Variants in DSE observed in about 807,000 individuals in gnomAD.
DSE encodes dermatan sulfate epimerase.
DSE carries 36 observed loss-of-function variants against 84.4 expected under a neutral mutation model. The ratio of observed to expected loss-of-function variants is 0.43; its 90% CI spans 0.33 to 0.56. The LOEUF (loss-of-function observed/expected upper bound fraction) is 0.56, where lower values mean the gene tolerates loss of function less well. Among genes scored for constraint, DSE ranks in the 20% least tolerant of loss-of-function variants. DSE has a pLI of 0.06. For missense variants in DSE, 862 were observed against 1,169.6 expected (o/e 0.74, Z 3.84); for synonymous variants, 410 against 430.1 (o/e 0.95, Z 0.58).
intron 2 of DSE, among the ~76,000 whole-genome samples, chr6:116,282,074 G>A (rs1250622617): frequency 6.6e-6 from 1 of 152,146 alleles, no homozygotes; most frequent in Non-Finnish European, 1.5e-5. Context: ...TCAAAGCCTC[G>A]GACTACCAGC....
At chr6:116,298,221 C>G (rs1018030375) in intron 2 of DSE, among the ~76,000 whole-genome samples, 5 of 152,120 alleles carry the variant, frequency 3.3e-5, no homozygotes, top group Admixed American at 6.6e-5. Context: ...AATGCCCTCC[C>G]CCCAGGAAAG....
chr6:116,380,454 A>G (rs1479563192), intron 1 of DSE, among the ~76,000 whole-genome samples: 2 of 152,036 alleles, frequency 1.3e-5, no homozygotes, highest in Non-Finnish European at 2.9e-5. Context: ...AGGGGGAATG[A>G]ATTGGGTCTC....
At chr6:116,359,106 A>G (rs748014576) in intron 2 of DSE, among the ~76,000 whole-genome samples, 1 of 152,020 alleles carries the variant, frequency 6.6e-6, no homozygotes, top group Non-Finnish European at 1.5e-5. Flanking sequence ...AGAAACATTG[A>G]CTTCTGAAAC....
intron 2 of DSE, among the ~76,000 whole-genome samples, chr6:116,291,838 A>G (rs1774298578): frequency 6.6e-6 from 1 of 152,230 alleles, no homozygotes; most frequent in African/African-American, 2.4e-5. Flanking sequence ...TGTAGAACCA[A>G]TTGAAAAACT....
intron 2 of DSE, among the ~76,000 whole-genome samples, chr6:116,327,657 A>G (rs762651707): frequency 1.3e-5 from 2 of 152,206 alleles, no homozygotes; most frequent in Non-Finnish European, 2.9e-5. Context: ...CTTGAATCCA[A>G]ACTGCTCTTG....
Position 116,439,910 on chromosome 6 carries a change from C to G in DSE, c.*2565C>G, listed in dbSNP as rs1336616626. 1 of 151,446 alleles carries G rather than the reference C, an allele frequency of 6.6e-6. No homozygotes were observed. The highest frequency in any genetic ancestry group is 1.5e-5 in the Non-Finnish European group (1 of 68,028). The allele number at this position is 151,446 out of a possible 1,614,324, so 9.4% of individuals were successfully genotyped here. ...TGAGCTATGACTGTGCCACTGCACTCCAGCCTTGGAGACAGAGTGAGACCG... is the reference window on the plus strand; with the variant it reads ...TGAGCTATGACTGTGCCACTGCACTGCAGCCTTGGAGACAGAGTGAGACCG... On this transcript the variant is annotated 3_prime_UTR_variant, in exon 6 of 6. Transcript: ENST00000644252.
At chr6:116,404,620 T>C (rs1781797221) in intron 2 of DSE, among the ~76,000 whole-genome samples, 1 of 152,272 alleles carries the variant, frequency 6.6e-6, no homozygotes, top group African/African-American at 2.4e-5. Context: ...ATCCCAAGGA[T>C]TGAATGAAGT....
chr6:116,378,286 A>G (rs73551529), intron 1 of DSE, among the ~76,000 whole-genome samples: 2,854 of 152,284 alleles, frequency 0.019, 34 homozygotes, highest in African/African-American at 0.035. Context: ...AAAGGTTTAA[A>G]TGGGGTTGCC....
Position 116,399,681 on chromosome 6 carries a change from T to G in DSE, c.416+15T>G. On this transcript the variant is annotated intron_variant, in intron 2 of 5. Coordinates refer to ENST00000644252, the MANE Select transcript of DSE (RefSeq NM_013352.4). The stretch of plus-strand genomic sequence containing the variant: ...CAGCCTAGTTGGTAGATTTTTGTCT[T>G]GTTCTTCTTACTGTGGTAACTCTGC... The G allele has an allele frequency of 6.2e-7, 1 of 1,606,398 alleles. No homozygotes were observed. The highest frequency in any genetic ancestry group is 8.5e-7 in the Non-Finnish European group (1 of 1,175,218).
intron 2 of DSE, among the ~76,000 whole-genome samples, chr6:116,355,495 G>C (rs1778523150): frequency 1.3e-5 from 2 of 152,138 alleles, no homozygotes; most frequent in Admixed American, 6.5e-5. Context: ...GGCTCATTTA[G>C]CCTAATTTCT....
rs1355088066 is a variant in DSE, at chr6:116,440,853, T to A, written c.*3508T>A. 2.6e-5 allele frequency: 4 copies of A among 152,124 alleles called. No individual in the cohort carries two copies. In the East Asian group the frequency reaches 7.7e-4, roughly 29 times the overall value. 9.4% of individuals were successfully genotyped at this position (152,124 alleles called of 1,614,324 possible). A position where few individuals can be genotyped will look rare whatever the true frequency, so the allele number is the denominator to read the frequency against. On this transcript the variant is annotated 3_prime_UTR_variant, in exon 6 of 6. Transcript: ENST00000644252. The stretch of plus-strand genomic sequence containing the variant: ...GCTTTTTAAGCAAGTTTAGGGAACT[T>A]GAGATGACCTGATTGAGACCCCTAA...
chr6:116,299,743 A>G (rs1774923836), intron 2 of DSE, among the ~76,000 whole-genome samples: 1 of 151,810 alleles, frequency 6.6e-6, no homozygotes, highest in Admixed American at 6.6e-5. Flanking sequence ...TTATTTTGTC[A>G]CCTAAGAGGC....
intron 1 of DSE, among the ~76,000 whole-genome samples, chr6:116,371,422 A>T (rs1390367526): frequency 6.6e-6 from 1 of 152,170 alleles, no homozygotes. Flanking sequence ...GAACACGATG[A>T]GAACCTGGAG....
chr6:116,286,070 A>G (rs940189203), intron 2 of DSE, among the ~76,000 whole-genome samples: 1 of 152,244 alleles, frequency 6.6e-6, no homozygotes, highest in Non-Finnish European at 1.5e-5. Context: ...AGTCATTGGT[A>G]GCTTGATGGG....
chr6:116,271,239 CTTGGCACA>C (rs1772864591), intron 2 of DSE, among the ~76,000 whole-genome samples: 1 of 152,216 alleles, frequency 6.6e-6, no homozygotes, highest in African/African-American at 2.4e-5. Flanking sequence ...ATTAGAATCA[CTTGGCACA>C]TTGGTTAAAA....
In DSE at chr6:116,309,711, G is replaced by A. The variant is rs536506827; in HGVS notation, c.-54+50744G>A. ...TCCAGTGAAGACGTGGCCTTGAACC[G>A]CAAGATGGTTCAAGATGGTGCCTTG... On this transcript the variant is annotated intron_variant, in intron 2 of 3. Coordinates refer to the DSE transcript ENST00000430252. Among the ~76,000 whole-genome samples the A allele has an allele frequency of 1.5e-4, 23 of 152,306 alleles. No homozygotes were observed. The South Asian group carries it at 2.5e-3, about 16-fold the overall frequency.
At chr6:116,258,533 C>A (rs771885728) in exon 2 of DSE, 1 of 1,347,242 alleles carries the variant, frequency 7.4e-7, no homozygotes, top group Non-Finnish European at 1.1e-6. Flanking sequence ...GAAGGCCACA[C>A]GTCCTTCTTC....
intron 2 of DSE, among the ~76,000 whole-genome samples, chr6:116,293,666 C>A (rs763417207): frequency 4.6e-5 from 7 of 152,096 alleles, no homozygotes; most frequent in Non-Finnish European, 1.0e-4. Context: ...CTTTCGGAGA[C>A]AAAGGCAACA....
At chr6:116,348,367 A>T (rs143554210) in intron 2 of DSE, among the ~76,000 whole-genome samples, 1,774 of 152,028 alleles carry the variant, frequency 0.012, 20 homozygotes, top group Non-Finnish European at 0.019. Context: ...ACGGAGCTTG[A>T]AGTGAGCCGA....
Sources: allele counts gnomAD v4.1 joint callset (sites outside exome capture counted in the v4.1 genomes callset), GRCh38; gene constraint gnomAD v4.1.1; transcripts MANE v1.5; gene names NCBI Gene and HGNC (gene_info 2026-07-23, HGNC 2026-07-21).